CDIN1: variants seen among roughly 807,000 people sequenced by gnomAD.
CDIN1 encodes the protein CDAN1 interacting nuclease 1.
In CDIN1, 33 loss-of-function variants were observed where a neutral mutation model predicts 45.3. That is an observed-to-expected ratio of 0.73 (90% confidence interval 0.55 to 0.97). The LOEUF (loss-of-function observed/expected upper bound fraction) is 0.97, where lower values mean the gene tolerates loss of function less well. CDIN1 is among the 50% of genes least tolerant of loss of function. The pLI, the probability that CDIN1 is intolerant of heterozygous loss-of-function variation, is 0.00. For missense variants in CDIN1, 303 were observed against 339.4 expected, an observed-to-expected ratio of 0.89 and a Z score of 0.84; for synonymous variants, 118 against 124.4, an observed-to-expected ratio of 0.95 and a Z score of 0.34.
At chr15:36,700,562 C>A (rs1190526673) in intron 8 of CDIN1, among the ~76,000 whole-genome samples, 2 of 151,134 alleles carry the variant, frequency 1.3e-5, no homozygotes, top group Non-Finnish European at 2.9e-5. Flanking sequence ...TTCATTTGTT[C>A]TTTCTCACCG....
intron 1 of CDIN1, among the ~76,000 whole-genome samples, chr15:36,621,264 A>G (rs966142725): frequency 6.6e-6 from 1 of 152,180 alleles, no homozygotes; most frequent in African/African-American, 2.4e-5. Flanking sequence ...AAGTGAATGT[A>G]AATAGTGGTT....
At chr15:36,644,951 T>G (rs2140408610) in intron 2 of CDIN1, among the ~76,000 whole-genome samples, 1 of 152,306 alleles carries the variant, frequency 6.6e-6, no homozygotes, top group Non-Finnish European at 1.5e-5. Flanking sequence ...CAAACTTATT[T>G]AGATTCAATT....
intron 10 of CDIN1, among the ~76,000 whole-genome samples, chr15:36,787,680 T>C (rs2054526575): frequency 1.3e-5 from 2 of 152,156 alleles, no homozygotes; most frequent in Non-Finnish European, 2.9e-5. Flanking sequence ...TTATATCTTC[T>C]TAGTATTAAT....
intron 10 of CDIN1, among the ~76,000 whole-genome samples, chr15:36,726,650 A>G (rs1442339992): frequency 6.6e-6 from 1 of 152,226 alleles, no homozygotes; most frequent in African/African-American, 2.4e-5. Flanking sequence ...TCCCTGCTGA[A>G]ACTCAAGTGG....
At chr15:36,675,188 A>G (rs2041602776) in intron 5 of CDIN1, among the ~76,000 whole-genome samples, 1 of 152,156 alleles carries the variant, frequency 6.6e-6, no homozygotes, top group South Asian at 2.1e-4. Context: ...ATTGGTGACT[A>G]TTAACATTTT....
intron 1 of CDIN1, among the ~76,000 whole-genome samples, chr15:36,600,777 G>T (rs1328235372): frequency 6.6e-6 from 1 of 152,144 alleles, no homozygotes; most frequent in Non-Finnish European, 1.5e-5. Context: ...AGGAGAACTA[G>T]TATTGGAGGC....
chr15:36,649,421 C>T (rs557328094), intron 3 of CDIN1, among the ~76,000 whole-genome samples: 9 of 152,122 alleles, frequency 5.9e-5, no homozygotes, highest in Non-Finnish European at 1.2e-4. Context: ...GTTAAAACAA[C>T]TTTATACAGA....
intron 7 of CDIN1, among the ~76,000 whole-genome samples, chr15:36,692,674 C>A (rs968475062): frequency 6.6e-6 from 1 of 152,068 alleles, no homozygotes; most frequent in African/African-American, 2.4e-5. Flanking sequence ...CAATCTGAGC[C>A]GGCATTTGGA....
chr15:36,705,340 TCTC>T (rs2042823985), intron 8 of CDIN1: 2 of 152,178 alleles, frequency 1.3e-5, no homozygotes, highest in Non-Finnish European at 2.9e-5. Context: ...GCAGTCTTCT[TCTC>T]TTACATTTCA....
chr15:36,719,615 T>C (rs1028780060), intron 10 of CDIN1, among the ~76,000 whole-genome samples: 2 of 152,174 alleles, frequency 1.3e-5, no homozygotes, highest in African/African-American at 2.4e-5. Context: ...GGTATTGGTA[T>C]TAGAGTAATG....
chr15:36,700,480 C>T (rs2042591099), intron 8 of CDIN1, among the ~76,000 whole-genome samples: 1 of 152,004 alleles, frequency 6.6e-6, no homozygotes, highest in African/African-American at 2.4e-5. Flanking sequence ...CAATCACTAT[C>T]CTTTATGAAT....
At chr15:36,674,424 G>T (rs2041567811) in intron 5 of CDIN1, among the ~76,000 whole-genome samples, 2 of 152,196 alleles carry the variant, frequency 1.3e-5, no homozygotes, top group Admixed American at 1.3e-4. Flanking sequence ...AAACAGAAAG[G>T]AATAGCTTTT....
At chr15:36,697,500 A>G in intron 8 of CDIN1, 110 bp downstream of exon 8, 2 of 877,174 alleles carry the variant, frequency 2.3e-6, no homozygotes, top group Non-Finnish European at 3.5e-6. Flanking sequence ...GATGCTGTGC[A>G]TATTATCTTT....
chr15:36,729,269 G>C (rs746409405), intron 10 of CDIN1, among the ~76,000 whole-genome samples: 1 of 152,054 alleles, frequency 6.6e-6, no homozygotes, highest in Admixed American at 6.5e-5. Flanking sequence ...TCTTGGTTTC[G>C]AGACTCTCCA....
At chr15:36,675,902 T>C (rs553832385) in intron 5 of CDIN1, among the ~76,000 whole-genome samples, 2 of 152,272 alleles carry the variant, frequency 1.3e-5, no homozygotes, top group Admixed American at 1.3e-4. Context: ...GAAGCTGACC[T>C]GTACCTCGCC....
intron 10 of CDIN1, among the ~76,000 whole-genome samples, chr15:36,774,174 G>A (rs1185478745): frequency 2.0e-5 from 3 of 151,638 alleles, no homozygotes; most frequent in Admixed American, 1.3e-4. Flanking sequence ...GCGCGCGCGC[G>A]CATGCATGAG....
At chr15:36,644,412 C>T in intron 2 of CDIN1, 89 bp downstream of exon 2, 5 of 1,391,188 alleles carry the variant, frequency 3.6e-6, no homozygotes, top group Non-Finnish European at 5.0e-6. Context: ...ACTGCCAGCT[C>T]TCTGATTGGG....
chr15:36,694,923 T>C (rs913876527), intron 7 of CDIN1, among the ~76,000 whole-genome samples: 3 of 152,238 alleles, frequency 2.0e-5, no homozygotes, highest in African/African-American at 7.2e-5. Flanking sequence ...ATGCCCCTAG[T>C]AATGAGAGAC....
chr15:36,633,647 C>A (rs1439880265), intron 1 of CDIN1, among the ~76,000 whole-genome samples: 2 of 152,128 alleles, frequency 1.3e-5, no homozygotes, highest in East Asian at 3.9e-4. Context: ...TTTATTATGT[C>A]CTACCGGAAG....
Sources: gnomAD v4.1 joint callset for allele counts (sites outside exome capture counted in the v4.1 genomes callset) on GRCh38, gnomAD v4.1.1 for gene constraint, MANE v1.5 for transcripts, NCBI Gene and HGNC (gene_info 2026-07-23, HGNC 2026-07-21) for gene names.